SLC8A1: variants seen among roughly 807,000 people sequenced by gnomAD.
SLC8A1 encodes sodium/calcium exchanger 1.
In SLC8A1, 18 loss-of-function variants were observed where a neutral mutation model predicts 68.3. The ratio of observed to expected loss-of-function variants is 0.26; its 90% CI spans 0.18 to 0.39. SLC8A1 has a LOEUF of 0.39. Ranked by LOEUF, SLC8A1 falls within the 10% of genes least tolerant of loss-of-function variation. The pLI is 1.00. For synonymous variants in SLC8A1, 475 were observed against 415.5 expected, an observed-to-expected ratio of 1.14 and a Z score of -1.74; for missense variants, 985 against 1,156.7, an observed-to-expected ratio of 0.85 and a Z score of 2.15.
At position 40,247,724 on chromosome 2, in the gene SLC8A1, A is replaced by ATAACT. The variant is rs1410105183; in HGVS notation, c.1809-69874_1809-69870dup. On this transcript the variant is annotated intron_variant, in intron 2 of 7. Coordinates refer to ENST00000406785, the Ensembl canonical transcript of SLC8A1. ...ATAGAATTCTAATAAAAATGCATAAATAACTTACAAGAGGAAAGGGACTTA... is the reference window on the plus strand; with the variant it reads ...ATAGAATTCTAATAAAAATGCATAAATAACTTAACTTACAAGAGGAAAGGGACTTA... 3.3e-5 allele frequency among the ~76,000 whole-genome samples: 5 copies of ATAACT among 152,342 alleles called. No homozygotes were observed. The East Asian group carries it at 9.6e-4, about 29-fold the overall frequency.
chr2:40,249,262 A>G (rs7570300), intron 2 of SLC8A1, among the ~76,000 whole-genome samples: 18,448 of 152,192 alleles, frequency 0.12, 1,292 homozygotes, highest in African/African-American at 0.2. Context: ...GTAAAAAAAT[A>G]GGGTTTTGAT....
chr2:40,355,575 C>T (rs959247038), intron 2 of SLC8A1, among the ~76,000 whole-genome samples: 1 of 152,110 alleles, frequency 6.6e-6, no homozygotes, highest in South Asian at 2.1e-4. Context: ...AATCCTCATT[C>T]TGTGTACAGA....
At chr2:40,298,230 T>TTTATC (rs1320188211) in intron 2 of SLC8A1, among the ~76,000 whole-genome samples, 1 of 152,202 alleles carries the variant, frequency 6.6e-6, no homozygotes. Flanking sequence ...TGAGGCTAAT[T>TTTATC]AGTGTGGGTG....
At chr2:40,130,754 T>C (rs1007851561) in intron 7 of SLC8A1, among the ~76,000 whole-genome samples, 3 of 152,228 alleles carry the variant, frequency 2.0e-5, no homozygotes. Flanking sequence ...AATGTAGCCA[T>C]CCAATTAAAT....
intron 1 of SLC8A1, among the ~76,000 whole-genome samples, chr2:40,495,306 T>C (rs191860108): frequency 1.7e-3 from 254 of 152,170 alleles, no homozygotes; most frequent in Non-Finnish European, 3.2e-3. Flanking sequence ...AATGGAGTCA[T>C]ACTAATTATT....
At chr2:40,310,567 G>A (rs2073489803) in intron 2 of SLC8A1, among the ~76,000 whole-genome samples, 1 of 152,158 alleles carries the variant, frequency 6.6e-6, no homozygotes, top group Non-Finnish European at 1.5e-5. Flanking sequence ...CTCAGGCCAT[G>A]TGACTTCAGA....
chr2:40,461,918 G>A lies in SLC8A1; in HGVS notation c.-24-31614C>T, dbSNP rs1487913440. Among the ~76,000 whole-genome samples the A allele has an allele frequency of 2.0e-5, 3 of 149,938 alleles. No individual in the cohort carries two copies. The East Asian group carries it at 6.0e-4, about 30-fold the overall frequency. ...ATCTAGTGTTGATTTAACAGTACTT[G>A]ACATTATAAGATATATTTATAAAAT... On this transcript the variant is annotated intron_variant, in intron 1 of 7. Transcript: ENST00000402441.
At chr2:40,320,954 A>C (rs1049447453) in intron 2 of SLC8A1, among the ~76,000 whole-genome samples, 4 of 152,108 alleles carry the variant, frequency 2.6e-5, no homozygotes, top group African/African-American at 7.2e-5. Context: ...GGATCCCTGG[A>C]CTGCCCACTC....
chr2:40,313,682 C>T (rs906847402), intron 2 of SLC8A1, among the ~76,000 whole-genome samples: 10 of 151,908 alleles, frequency 6.6e-5, no homozygotes, highest in Non-Finnish European at 8.8e-5. Flanking sequence ...GGATTACAGG[C>T]GTGAGTCACA....
At chr2:40,260,745 T>G (rs938634856) in intron 2 of SLC8A1, among the ~76,000 whole-genome samples, 5 of 151,982 alleles carry the variant, frequency 3.3e-5, no homozygotes, top group Admixed American at 6.5e-5. Flanking sequence ...TATGTGGTTT[T>G]TTTTTTTTTT....
intron 2 of SLC8A1, among the ~76,000 whole-genome samples, chr2:40,337,503 T>C (rs898436341): frequency 4.6e-5 from 7 of 152,128 alleles, no homozygotes; most frequent in South Asian, 2.1e-4. Flanking sequence ...CTCACCTCCA[T>C]AGCGCACTCA....
chr2:40,218,785 T>C (rs1462403041), intron 2 of SLC8A1, among the ~76,000 whole-genome samples: 1 of 152,072 alleles, frequency 6.6e-6, no homozygotes, highest in Non-Finnish European at 1.5e-5. Context: ...CTGTTTCTTC[T>C]ATTTTAGATT....
At chr2:40,233,399 G>A (rs1223520555) in intron 2 of SLC8A1, among the ~76,000 whole-genome samples, 35 of 150,878 alleles carry the variant, frequency 2.3e-4, no homozygotes, top group Admixed American at 5.3e-4. Flanking sequence ...GTCTTCTTTT[G>A]AGAAGTGTCT....
intron 7 of SLC8A1, among the ~76,000 whole-genome samples, chr2:40,124,291 G>A (rs1464289183): frequency 6.6e-6 from 1 of 152,170 alleles, no homozygotes; most frequent in Non-Finnish European, 1.5e-5. Context: ...CACCGAAGAT[G>A]CCCAAAATGT....
chr2:40,333,803 A>C (rs1304479979), intron 2 of SLC8A1, among the ~76,000 whole-genome samples: 1 of 152,172 alleles, frequency 6.6e-6, no homozygotes, highest in East Asian at 1.9e-4. Flanking sequence ...TAATCCCAGC[A>C]CTTTGGGAGC....
At chr2:40,350,396 A>T (rs1327786582) in intron 2 of SLC8A1, among the ~76,000 whole-genome samples, 3 of 151,960 alleles carry the variant, frequency 2.0e-5, no homozygotes, top group Non-Finnish European at 2.9e-5. Context: ...TGGGAGGATC[A>T]CTTGAGCACA....
At chr2:40,487,455 T>C (rs932799319) in intron 1 of SLC8A1, among the ~76,000 whole-genome samples, 1 of 152,194 alleles carries the variant, frequency 6.6e-6, no homozygotes. Context: ...TCTAATTGGA[T>C]TTCCTTTATG....
intron 6 of SLC8A1, among the ~76,000 whole-genome samples, chr2:40,140,551 A>T (rs1413474536): frequency 6.6e-6 from 1 of 152,248 alleles, no homozygotes; most frequent in Non-Finnish European, 1.5e-5. Context: ...AGTCCCACTG[A>T]ATCAGAAATT....
chr2:40,321,349 C>A (rs904697526), intron 2 of SLC8A1, among the ~76,000 whole-genome samples: 1 of 152,000 alleles, frequency 6.6e-6, no homozygotes, highest in Non-Finnish European at 1.5e-5. Flanking sequence ...TCATTTCTAA[C>A]TGGGATTATA....
Sources: gnomAD v4.1 joint callset for allele counts (sites outside exome capture counted in the v4.1 genomes callset) on GRCh38, gnomAD v4.1.1 for gene constraint, MANE v1.5 for transcripts, NCBI Gene and HGNC (gene_info 2026-07-23, HGNC 2026-07-21) for gene names.